STARD10: variants seen among roughly 807,000 people sequenced by gnomAD.
STARD10 encodes START domain-containing protein 10.
A neutral mutation model predicts 36.0 loss-of-function variants in STARD10; 24 were observed. The observed-to-expected ratio is 0.67, with a 90% confidence interval of 0.48 to 0.94. STARD10 has a LOEUF of 0.94. Among genes scored for constraint, STARD10 ranks in the 40% least tolerant of loss-of-function variants. The probability of loss-of-function intolerance (pLI) is 0.00; values close to 1 mark genes in which losing one functional copy is unlikely to be tolerated. For synonymous variants in STARD10, 156 were observed against 161.9 expected, an observed-to-expected ratio of 0.96 and a Z score of 0.28; for missense variants, 335 against 396.6, an observed-to-expected ratio of 0.84 and a Z score of 1.32.
chr11:72,778,441 C>A (rs1858953313), intron 2 of STARD10, among the ~76,000 whole-genome samples: 1 of 152,224 alleles, frequency 6.6e-6, no homozygotes, highest in African/African-American at 2.4e-5. Context: ...ACCTGGGAGT[C>A]CTGCAATCTT....
intron 1 of STARD10, among the ~76,000 whole-genome samples, chr11:72,784,050 G>A (rs1001453888): frequency 3.3e-5 from 5 of 152,118 alleles, no homozygotes; most frequent in African/African-American, 1.2e-4. Flanking sequence ...TGGGTAGAAG[G>A]GTATCACCTC....
chr11:72,788,999 G>A (rs1591274175), intron 1 of STARD10, among the ~76,000 whole-genome samples: 1 of 152,184 alleles, frequency 6.6e-6, no homozygotes, highest in African/African-American at 2.4e-5. Context: ...GGGACCACAG[G>A]TGTGCACTGC....
chr11:72,764,448 G>C (rs774578532), intron 2 of STARD10, among the ~76,000 whole-genome samples: 1 of 152,262 alleles, frequency 6.6e-6, no homozygotes. Context: ...GCAGACTCTT[G>C]TGGAGGAAGG....
chr11:72,786,060 G>C (rs1461243846), intron 1 of STARD10: 1 of 152,538 alleles, frequency 6.6e-6, no homozygotes, highest in Non-Finnish European at 1.5e-5. Context: ...GAGACCCTCA[G>C]GGTGCAGCAG....
At position 72,781,907 on chromosome 11, in the gene STARD10, T is replaced by C. The variant is rs1228610564; in HGVS notation, c.-113-613A>G. On this transcript the variant is annotated intron_variant, in intron 1 of 6. Coordinates refer to ENST00000334805, the MANE Select transcript of STARD10 (RefSeq NM_006645.3). The surrounding 1 kb of genome is among the most constrained non-coding windows in gnomAD (Gnocchi z 4.7). The stretch of plus-strand genomic sequence containing the variant: ...GCTGCGGAGGTGAAGCTGACGGATC[T>C]CCGAGCCCCGCCCCGCCCCACCCCG... 42 of 150,572 alleles carry C rather than the reference T, an allele frequency of 2.8e-4. No homozygotes were observed. Among genetic ancestry groups the C allele is most frequent in the African/African-American group, 1.0e-3 (42 of 40,914 alleles). The allele number at this position is 150,572 out of a possible 1,614,324, so 9.3% of individuals were successfully genotyped here.
chr11:72,778,753 T>C (rs1362333073), intron 2 of STARD10, among the ~76,000 whole-genome samples: 2 of 152,180 alleles, frequency 1.3e-5, no homozygotes, highest in African/African-American at 4.8e-5. Context: ...CCTGCCCCTC[T>C]CTGAGCCCCA....
chr11:72,786,321 C>T (rs1859070374), intron 1 of STARD10, among the ~76,000 whole-genome samples: 1 of 151,918 alleles, frequency 6.6e-6, no homozygotes, highest in Non-Finnish European at 1.5e-5. Context: ...CACAGCACTC[C>T]AGCCTGGGTG....
chr11:72,776,382 G>A (rs1050686248), intron 2 of STARD10, among the ~76,000 whole-genome samples: 7 of 152,112 alleles, frequency 4.6e-5, no homozygotes, highest in Non-Finnish European at 7.4e-5. Flanking sequence ...GAAGTCATGC[G>A]CCTGCCACCG....
At chr11:72,755,169 A>AC (rs1247883152) in intron 6 of STARD10, 27 bp from the exon 7 acceptor site, 1 of 1,596,930 alleles carries the variant, frequency 6.3e-7, no homozygotes, top group Non-Finnish European at 8.5e-7. Flanking sequence ...CCGCCGGGTC[A>AC]GGGGGTGGCT....
At chr11:72,791,404 C>G (rs952443988) in intron 1 of STARD10, among the ~76,000 whole-genome samples, 2 of 152,152 alleles carry the variant, frequency 1.3e-5, no homozygotes, top group African/African-American at 4.8e-5. Flanking sequence ...CTTGTGTGTC[C>G]TTAATAGAGT....
chr11:72,774,077 G>T (rs1858899374), intron 2 of STARD10, among the ~76,000 whole-genome samples: 1 of 152,162 alleles, frequency 6.6e-6, no homozygotes, highest in Non-Finnish European at 1.5e-5. Flanking sequence ...ACTCTGGCAG[G>T]GTCCAAAGAC....
intron 2 of STARD10, among the ~76,000 whole-genome samples, chr11:72,774,766 G>T (rs925526435): frequency 6.6e-6 from 1 of 152,248 alleles, no homozygotes; most frequent in African/African-American, 2.4e-5. Flanking sequence ...CAGCCCCGCA[G>T]AGGCCCCGGA....
intron 1 of STARD10, among the ~76,000 whole-genome samples, chr11:72,783,804 A>G (rs1372519114): frequency 6.6e-6 from 1 of 152,212 alleles, no homozygotes; most frequent in Admixed American, 6.5e-5. Context: ...CAAGGCCAGG[A>G]GGTAGCAGTG....
chr11:72,788,878 T>C (rs1197341558), intron 1 of STARD10, among the ~76,000 whole-genome samples: 1 of 152,034 alleles, frequency 6.6e-6, no homozygotes, highest in Non-Finnish European at 1.5e-5. Context: ...TTTTAAAAGA[T>C]AGGATCTTGC....
Position 72,759,392 on chromosome 11 carries a change from G to T in STARD10, c.208-11C>A, listed in dbSNP as rs1858688230. 1 of 1,614,124 alleles carries T rather than the reference G, an allele frequency of 6.2e-7. No homozygotes were observed. The highest frequency in any genetic ancestry group is 1.7e-4 in the Middle Eastern group (1 of 6,060). The stretch of plus-strand genomic sequence containing the variant: ...GCACTCCATCCGGCACTGCAGACAA[G>T]ATATATGGGTTGTCAGGATCATATG... On this transcript the variant is annotated splice_polypyrimidine_tract_variant and intron_variant, in intron 2 of 6. Transcript: ENST00000334805.
At chr11:72,780,400 G>A (rs749269789) in intron 2 of STARD10, 2 of 451,506 alleles carry the variant, frequency 4.4e-6, no homozygotes, top group Non-Finnish European at 8.9e-6. Flanking sequence ...AGGGGTATTG[G>A]AGCCCTGCCT....
At chr11:72,790,926 C>T (rs764734807) in intron 1 of STARD10, among the ~76,000 whole-genome samples, 3 of 152,154 alleles carry the variant, frequency 2.0e-5, no homozygotes, top group Non-Finnish European at 4.4e-5. Context: ...GCTGCTGCTT[C>T]TCTGCCCCTG....
intron 2 of STARD10, among the ~76,000 whole-genome samples, chr11:72,761,982 A>G (rs1186002810): frequency 7.8e-6 from 1 of 128,574 alleles, no homozygotes; most frequent in Non-Finnish European, 1.6e-5. Context: ...CTGGAGTGCA[A>G]TGACACGATC....
intron 2 of STARD10, among the ~76,000 whole-genome samples, chr11:72,759,733 G>A (rs1194096989): frequency 6.6e-6 from 1 of 152,176 alleles, no homozygotes; most frequent in Non-Finnish European, 1.5e-5. Context: ...GAGGCTCATG[G>A]TTGCTTCAGC....
Sources: gnomAD v4.1 joint callset for allele counts (sites outside exome capture counted in the v4.1 genomes callset) on GRCh38, gnomAD v4.1.1 for gene constraint, Gnocchi (gnomAD v3.1) non-coding constraint, MANE v1.5 for transcripts, NCBI Gene and HGNC (gene_info 2026-07-23, HGNC 2026-07-21) for gene names.